The following EBF2 variants were observed in gnomAD, a reference collection of about 807,000 sequenced individuals.
EBF2 encodes the protein transcription factor COE2.
Under a neutral mutation model 72.8 loss-of-function variants are expected in EBF2, and 21 were observed. That is an observed-to-expected ratio of 0.29 (90% confidence interval 0.20 to 0.42). The LOEUF (loss-of-function observed/expected upper bound fraction) is 0.42, where lower values mean the gene tolerates loss of function less well. EBF2 is among the 10% of genes least tolerant of loss of function. EBF2 has a pLI of 1.00. For missense variants in EBF2, 637 were observed against 731.2 expected (o/e 0.87, Z 1.49); for synonymous variants, 299 against 274.2 (o/e 1.09, Z -0.89).
At chr8:25,975,726 A>G (rs992227480) in intron 6 of EBF2, among the ~76,000 whole-genome samples, 1 of 152,158 alleles carries the variant, frequency 6.6e-6, no homozygotes, top group African/African-American at 2.4e-5. Context: ...CCCAAGCAAC[A>G]TTTTAAAAAG....
At position 25,869,846 on chromosome 8, in the gene EBF2, C is replaced by T. The variant is rs1030776245; in HGVS notation, c.1010-7049G>A. Reference sequence around the variant, plus strand: ...GCTAAGCCTTTTAGGCACATTAGCTCGTTCGATTCTGATTGTAACCCTACA... The same window carrying T: ...GCTAAGCCTTTTAGGCACATTAGCTTGTTCGATTCTGATTGTAACCCTACA... On this transcript the variant is annotated intron_variant, in intron 10 of 15. Coordinates refer to ENST00000520164, the MANE Select transcript of EBF2 (RefSeq NM_022659.4). Among the ~76,000 whole-genome samples the T allele has an allele frequency of 3.9e-5, 6 of 152,114 alleles. No homozygotes were observed. In the South Asian group the frequency reaches 6.2e-4, roughly 16 times the overall value.
chr8:26,011,630 G>C (rs745866306), intron 6 of EBF2, among the ~76,000 whole-genome samples: 8 of 152,048 alleles, frequency 5.3e-5, no homozygotes, highest in Non-Finnish European at 1.0e-4. Context: ...TTAGTAAACT[G>C]ACACATAAGT....
chr8:25,892,288 ACC>A (rs1802796473), intron 7 of EBF2, among the ~76,000 whole-genome samples: 3 of 152,192 alleles, frequency 2.0e-5, no homozygotes, highest in African/African-American at 7.2e-5. Context: ...ATTGTACTGT[ACC>A]TTGGGTAACT....
chr8:26,022,544 G>T (rs1805220368), intron 6 of EBF2, among the ~76,000 whole-genome samples: 1 of 152,148 alleles, frequency 6.6e-6, no homozygotes, highest in Admixed American at 6.6e-5. Flanking sequence ...CTACTTAGGG[G>T]CTTTTTAAGG....
intron 6 of EBF2, among the ~76,000 whole-genome samples, chr8:25,987,096 G>A (rs549177248): frequency 2.6e-5 from 4 of 152,308 alleles, no homozygotes; most frequent in South Asian, 4.1e-4. Context: ...AGCAGAAGAG[G>A]AAGATAAGGC....
chr8:25,923,148 G>T (rs908495123), intron 6 of EBF2, among the ~76,000 whole-genome samples: 17 of 152,146 alleles, frequency 1.1e-4, no homozygotes, highest in African/African-American at 4.1e-4. Flanking sequence ...GCGCACCGTG[G>T]AGTCGCCCCA....
At position 25,859,721 on chromosome 8, in the gene EBF2, C is replaced by CTTTTTTTTTT. The variant is rs202200790; in HGVS notation, c.1343-1227_1343-1218dup. Among the ~76,000 whole-genome samples the CTTTTTTTTTT allele has an allele frequency of 1.2e-4, 17 of 142,956 alleles. 1 individual carries two copies. Among genetic ancestry groups the CTTTTTTTTTT allele is most frequent in the Admixed American group, 8.5e-4 (12 of 14,128 alleles). The allele number at this position is 142,956 out of a possible 152,430, so 93.8% of individuals were successfully genotyped here. On this transcript the variant is annotated intron_variant, in intron 13 of 15. Transcript: ENST00000520164. ...AAAATAATAATATGTCCTGTCTAGTCTTTTTTTTTTTTTGAGACAAGATCT... is the reference window on the plus strand; with the variant it reads ...AAAATAATAATATGTCCTGTCTAGTCTTTTTTTTTTTTTTTTTTTTTTTGAGACAAGATCT...
intron 6 of EBF2, among the ~76,000 whole-genome samples, chr8:25,980,508 A>G (rs371732840): frequency 6.6e-6 from 1 of 152,160 alleles, no homozygotes; most frequent in East Asian, 1.9e-4. Context: ...GTGGCCTCCA[A>G]TGCTCCTCCT....
chr8:25,973,258 T>C (rs1163690735), intron 6 of EBF2, among the ~76,000 whole-genome samples: 1 of 152,162 alleles, frequency 6.6e-6, no homozygotes, highest in Non-Finnish European at 1.5e-5. Context: ...TTAAGATATG[T>C]ATTGAGGGAT....
chr8:25,899,750 G>A (rs1483602484), intron 7 of EBF2, among the ~76,000 whole-genome samples: 1 of 152,180 alleles, frequency 6.6e-6, no homozygotes, highest in Non-Finnish European at 1.5e-5. Context: ...CCAGCTGTGT[G>A]TACGAGGTGT....
intron 7 of EBF2, among the ~76,000 whole-genome samples, chr8:25,899,921 A>G (rs1242005845): frequency 3.3e-5 from 5 of 152,260 alleles, no homozygotes; most frequent in Non-Finnish European, 5.9e-5. Context: ...CATCCGGCAG[A>G]TCTTTCTGCC....
rs753890035 is a variant in EBF2 at position 26,044,790 on chromosome 8, C to G, written c.70G>C (p.Asp24His). Residue 24 changes from aspartate (D) to histidine (H), a missense_variant, in exon 1 of 16, where the codon GAT (aspartate) becomes CAT (histidine). Asp to His is a moderately conservative substitution (Grantham distance 81, BLOSUM62 -1). Coordinates refer to ENST00000520164, the MANE Select transcript of EBF2 (RefSeq NM_022659.4). The surrounding 1 kb of genome is among the most constrained non-coding windows in gnomAD (Gnocchi z 4.1). ...LKEKSLGAEM[D>H]SVRSWVRNVG... is the part of the protein sequence containing the mutation. ...TTCCGGACCCAGGACCTGACCGAAT[C>G]CATCTCCGCGCCCAGCGATTTCTCT... 1 of 1,614,180 alleles carries G rather than the reference C, an allele frequency of 6.2e-7. No homozygotes were observed. The highest frequency in any genetic ancestry group is 1.1e-5 in the South Asian group (1 of 91,076).
At chr8:25,868,952 T>A (rs1043808794) in intron 10 of EBF2, among the ~76,000 whole-genome samples, 1 of 152,222 alleles carries the variant, frequency 6.6e-6, no homozygotes, top group African/African-American at 2.4e-5. Flanking sequence ...CATTTCAAGC[T>A]GATTTACTAT....
chr8:25,963,272 C>A (rs1369827896), intron 6 of EBF2, among the ~76,000 whole-genome samples: 1 of 152,156 alleles, frequency 6.6e-6, no homozygotes, highest in Admixed American at 6.5e-5. Context: ...TAGCCTTTGG[C>A]CTCTGCATCT....
In EBF2 at chr8:25,906,216, T is replaced by C. The variant is rs563306629; in HGVS notation, c.633+2258A>G. On this transcript the variant is annotated intron_variant, in intron 7 of 15. Coordinates refer to ENST00000520164, the MANE Select transcript of EBF2 (RefSeq NM_022659.4). ...CCTCAAATTCTCAAATTTAAAACTC[T>C]TTGAAAGTGCTGGTAGAAAGTAGGA... is the stretch of plus-strand genomic sequence containing the variant. Among the ~76,000 whole-genome samples, 5 of 152,318 alleles carry C rather than the reference T, an allele frequency of 3.3e-5. No individual in the cohort carries two copies. In the South Asian group the frequency reaches 6.2e-4, roughly 19 times the overall value.
chr8:25,889,373 G>A (rs962206875), intron 8 of EBF2, among the ~76,000 whole-genome samples: 1 of 152,138 alleles, frequency 6.6e-6, no homozygotes, highest in African/African-American at 2.4e-5. Flanking sequence ...TTCATTCTGA[G>A]CATTGTTTTG....
intron 7 of EBF2, among the ~76,000 whole-genome samples, 172 bp downstream of exon 7, chr8:25,908,302 A>G (rs895736654): frequency 1.3e-5 from 2 of 152,196 alleles, no homozygotes; most frequent in African/African-American, 4.8e-5. Context: ...ACACTACAAG[A>G]TGAAGAAACT....
At chr8:25,965,459 C>T (rs191576181) in intron 6 of EBF2, among the ~76,000 whole-genome samples, 61 of 152,268 alleles carry the variant, frequency 4.0e-4, no homozygotes, top group East Asian at 1.7e-3. Context: ...GAAATGCTAA[C>T]GACTTTGGAG....
chr8:25,941,323 A>T (rs2117157153), intron 6 of EBF2, among the ~76,000 whole-genome samples: 1 of 151,972 alleles, frequency 6.6e-6, no homozygotes, highest in East Asian at 1.9e-4. Flanking sequence ...CTCCTGCCTC[A>T]GCCTCCTGAG....
Sources: allele counts gnomAD v4.1 joint callset (sites outside exome capture counted in the v4.1 genomes callset), GRCh38; gene constraint gnomAD v4.1.1; non-coding constraint Gnocchi (gnomAD v3.1); transcripts MANE v1.5; gene names NCBI Gene and HGNC (gene_info 2026-07-23, HGNC 2026-07-21).